The following UMAD1 variants were observed in gnomAD, a reference collection of about 807,000 sequenced individuals.
UMAD1 encodes the protein UBAP1-MVB12-associated (UMA)-domain containing protein 1.
Under a neutral mutation model 6.1 loss-of-function variants are expected in UMAD1, and 8 were observed. The ratio of observed to expected loss-of-function variants is 1.30; its 90% CI spans 0.76 to 2.35. The LOEUF (loss-of-function observed/expected upper bound fraction) is 2.35, where lower values mean the gene tolerates loss of function less well. Among genes scored for constraint, UMAD1 ranks in the 30% most tolerant of loss-of-function variants. The pLI is 0.00. For missense variants in UMAD1, 130 were observed against 78.4 expected (o/e 1.66, Z -2.49); for synonymous variants, 56 against 31.4 (o/e 1.78, Z -2.61).
chr7:7,820,749 C>G (rs1783226455), intron 3 of UMAD1, among the ~76,000 whole-genome samples: 1 of 152,036 alleles, frequency 6.6e-6, no homozygotes, highest in Non-Finnish European at 1.5e-5. Flanking sequence ...AAACTCTTCT[C>G]ATGAGGAAAA....
intron 2 of UMAD1, among the ~76,000 whole-genome samples, chr7:7,785,793 T>C (rs1257731018): frequency 1.3e-5 from 2 of 152,134 alleles, no homozygotes; most frequent in African/African-American, 4.8e-5. Flanking sequence ...TTGGTGATGC[T>C]TTTTCTTCCT....
chr7:7,811,477 A>C (rs1783020322), intron 3 of UMAD1, among the ~76,000 whole-genome samples: 1 of 152,160 alleles, frequency 6.6e-6, no homozygotes, highest in Non-Finnish European at 1.5e-5. Flanking sequence ...TAGAAAGTGC[A>C]CTTTTGTTGG....
At chr7:7,673,135 G>C (rs1223639933) in intron 1 of UMAD1, among the ~76,000 whole-genome samples, 174 bp from the exon 2 acceptor site, 1 of 152,178 alleles carries the variant, frequency 6.6e-6, no homozygotes, top group Non-Finnish European at 1.5e-5. Context: ...TAAATTGGAA[G>C]ATCATTTTCT....
At chr7:7,741,657 G>A (rs1342749271) in intron 2 of UMAD1, among the ~76,000 whole-genome samples, 1 of 150,716 alleles carries the variant, frequency 6.6e-6, no homozygotes, top group Non-Finnish European at 1.5e-5. Flanking sequence ...GTTGAAACAT[G>A]ATTAGAATGA....
intron 2 of UMAD1, among the ~76,000 whole-genome samples, chr7:7,777,431 G>A (rs562025115): frequency 3.2e-4 from 48 of 150,318 alleles, no homozygotes; most frequent in Admixed American, 1.1e-3. Context: ...GCCTGAACCC[G>A]GGAGGTGGTG....
intron 3 of UMAD1, among the ~76,000 whole-genome samples, chr7:7,831,388 C>A (rs993570897): frequency 6.6e-6 from 1 of 152,186 alleles, no homozygotes; most frequent in African/African-American, 2.4e-5. Context: ...ATCATAAAAT[C>A]AAACTAAGGA....
At chr7:7,747,507 C>T (rs370139569) in intron 2 of UMAD1, among the ~76,000 whole-genome samples, 146 of 152,286 alleles carry the variant, frequency 9.6e-4, no homozygotes, top group African/African-American at 3.3e-3. Flanking sequence ...GCTCTCTTTC[C>T]ATTACAGTGA....
At chr7:7,807,941 T>C (rs1237078901) in intron 3 of UMAD1, among the ~76,000 whole-genome samples, 2 of 152,030 alleles carry the variant, frequency 1.3e-5, no homozygotes, top group Non-Finnish European at 2.9e-5. Context: ...TCACCTAAAA[T>C]AGGGTAACTT....
At chr7:7,700,319 C>G (rs929715756) in intron 2 of UMAD1, among the ~76,000 whole-genome samples, 4 of 152,128 alleles carry the variant, frequency 2.6e-5, no homozygotes, top group Non-Finnish European at 5.9e-5. Flanking sequence ...CAAAGTACCT[C>G]CCAAAGGTCT....
intron 2 of UMAD1, among the ~76,000 whole-genome samples, chr7:7,720,635 GAAA>G (rs1413883412): frequency 1.3e-4 from 20 of 151,600 alleles, no homozygotes; most frequent in African/African-American, 4.6e-4. Context: ...GACTTTTTGA[GAAA>G]AAAAAGCATC....
intron 1 of UMAD1, among the ~76,000 whole-genome samples, chr7:7,667,664 A>G (rs1378391571): frequency 1.3e-5 from 2 of 152,250 alleles, no homozygotes; most frequent in Non-Finnish European, 2.9e-5. Flanking sequence ...ATGTCTTCAC[A>G]GCATAGAGCT....
intron 2 of UMAD1, among the ~76,000 whole-genome samples, chr7:7,789,909 A>G (rs12540373): frequency 0.22 from 34,109 of 152,120 alleles, 4,243 homozygotes; most frequent in Admixed American, 0.31. Context: ...TACTGTGAAC[A>G]TGGGTGTATG....
chr7:7,835,914 A>G (rs1783559973), intron 3 of UMAD1, among the ~76,000 whole-genome samples: 1 of 152,036 alleles, frequency 6.6e-6, no homozygotes, highest in Non-Finnish European at 1.5e-5. Flanking sequence ...TTATTTACAT[A>G]AGTGGATATT....
At chr7:7,740,031 T>C (rs1459719942) in intron 2 of UMAD1, among the ~76,000 whole-genome samples, 1 of 152,252 alleles carries the variant, frequency 6.6e-6, no homozygotes, top group Non-Finnish European at 1.5e-5. Flanking sequence ...TGAACCCTTT[T>C]TCCCCTTCAG....
At chr7:7,791,038 C>T (rs1782558190) in intron 2 of UMAD1, among the ~76,000 whole-genome samples, 1 of 152,156 alleles carries the variant, frequency 6.6e-6, no homozygotes, top group South Asian at 2.1e-4. Flanking sequence ...CAGAGGCCCA[C>T]ACCACCACAC....
intron 2 of UMAD1, among the ~76,000 whole-genome samples, chr7:7,685,422 G>A (rs984292071): frequency 6.6e-6 from 1 of 151,170 alleles, no homozygotes. Context: ...CGATTCTCCT[G>A]CCTCAGCCTT....
chr7:7,832,545 C>A (rs1783486994), intron 3 of UMAD1, among the ~76,000 whole-genome samples: 1 of 152,070 alleles, frequency 6.6e-6, no homozygotes, highest in Admixed American at 6.6e-5. Context: ...AGTGTTATAG[C>A]CATTTGTCTC....
intron 1 of UMAD1, among the ~76,000 whole-genome samples, chr7:7,647,430 G>A (rs1785121988): frequency 6.6e-6 from 1 of 152,128 alleles, no homozygotes. Context: ...TTTTTCATGT[G>A]TGCTTGGCAA....
At chr7:7,799,822 T>C (rs1263383584) in intron 2 of UMAD1, among the ~76,000 whole-genome samples, 1 of 152,244 alleles carries the variant, frequency 6.6e-6, no homozygotes, top group East Asian at 1.9e-4. Flanking sequence ...GCCTCACAAA[T>C]ATGTTTTTAC....
Sources: gnomAD v4.1 joint callset for allele counts (sites outside exome capture counted in the v4.1 genomes callset) on GRCh38, gnomAD v4.1.1 for gene constraint, MANE v1.5 for transcripts, NCBI Gene and HGNC (gene_info 2026-07-23, HGNC 2026-07-21) for gene names.